Variants in MTUS2 observed in about 807,000 individuals in gnomAD.
MTUS2 encodes microtubule-associated tumor suppressor candidate 2.
In MTUS2, 40 loss-of-function variants were observed where a neutral mutation model predicts 114.1. That is an observed-to-expected ratio of 0.35 (90% confidence interval 0.27 to 0.46). The LOEUF (loss-of-function observed/expected upper bound fraction) is 0.46, where lower values mean the gene tolerates loss of function less well. Ranked by LOEUF, MTUS2 falls within the 20% of genes least tolerant of loss-of-function variation. The probability of loss-of-function intolerance (pLI) is 1.00; values close to 1 mark genes in which losing one functional copy is unlikely to be tolerated. For synonymous variants in MTUS2, 688 were observed against 672.0 expected, an observed-to-expected ratio of 1.02 and a Z score of -0.37; for missense variants, 1,679 against 1,705.4, an observed-to-expected ratio of 0.98 and a Z score of 0.27.
intron 4 of MTUS2, among the ~76,000 whole-genome samples, chr13:29,050,595 C>T (rs747673984): frequency 6.6e-6 from 1 of 152,178 alleles, no homozygotes; most frequent in Non-Finnish European, 1.5e-5. Flanking sequence ...GTCATCTTAC[C>T]CCCCTCTTCA....
At chr13:29,375,700 A>G (rs938868546) in intron 8 of MTUS2, among the ~76,000 whole-genome samples, 9 of 147,102 alleles carry the variant, frequency 6.1e-5, no homozygotes. Context: ...AGCAACTTGG[A>G]CAGAGCTGGA....
rs575760974 is a variant in MTUS2, at chr13:29,200,342, C to T, written c.2645-81362C>T. ...TGTGGGCATTTAGTGCTATAAATTTCGCTCTAAACACTGCTTTAGCTGTGT... is the reference window on the plus strand; with the variant it reads ...TGTGGGCATTTAGTGCTATAAATTTTGCTCTAAACACTGCTTTAGCTGTGT... On this transcript the variant is annotated intron_variant, in intron 5 of 15. Transcript: ENST00000612955. Among the ~76,000 whole-genome samples, 46 of 151,986 alleles carry T rather than the reference C, an allele frequency of 3.0e-4. 1 individual carries two copies. The highest frequency in any genetic ancestry group is 1.6e-4 in the Non-Finnish European group (11 of 67,956).
intron 5 of MTUS2, among the ~76,000 whole-genome samples, chr13:29,181,106 G>A (rs934701014): frequency 1.3e-5 from 2 of 152,064 alleles, no homozygotes; most frequent in African/African-American, 4.8e-5. Flanking sequence ...CTTGGCGAAT[G>A]AGCGTCAGGG....
chr13:29,472,734 A>G (rs549833068), intron 9 of MTUS2, among the ~76,000 whole-genome samples: 1 of 152,362 alleles, frequency 6.6e-6, no homozygotes, highest in Non-Finnish European at 1.5e-5. Context: ...TATAATGGCA[A>G]ATCTTGGAAA....
chr13:29,313,500 A>T (rs982310774), intron 6 of MTUS2, among the ~76,000 whole-genome samples: 4 of 152,310 alleles, frequency 2.6e-5, no homozygotes, highest in Admixed American at 6.5e-5. Flanking sequence ...GAAGAGAAAC[A>T]TTCATCTATA....
intron 9 of MTUS2, among the ~76,000 whole-genome samples, chr13:29,453,232 G>T (rs925905251): frequency 2.2e-4 from 33 of 152,204 alleles, no homozygotes; most frequent in African/African-American, 8.0e-4. Context: ...AAGAGCATTT[G>T]CAAAATATAT....
intron 2 of MTUS2, among the ~76,000 whole-genome samples, chr13:28,988,802 G>A (rs889828673): frequency 1.2e-4 from 18 of 152,152 alleles, no homozygotes; most frequent in Admixed American, 1.2e-3. Context: ...GATTATTTAT[G>A]TATACTAAAA....
rs755400572 is a variant in MTUS2, at chr13:29,026,080, G to A, written c.1382G>A (p.Ser461Asn). 3 of 1,614,020 alleles carry A rather than the reference G, an allele frequency of 1.9e-6. No homozygotes were observed. Among genetic ancestry groups the A allele is most frequent in the Non-Finnish European group, 2.5e-6 (3 of 1,179,892 alleles). ...ATTGAGGAGGAAAGGCGGTTGGGCA[G>A]TGGGAATAAGGACAGTGTTATGGTT... ...DVIEEERRLG[S>N]GNKDSVMVLV... The change falls in exon 3 of 16, where the codon AGT (serine) becomes AAT (asparagine). Residue 461 changes from serine (S) to asparagine (N), a missense_variant. By Grantham distance (46) the Ser-to-Asn change is conservative. Around this residue, in one of 3 missense-constraint regions of MTUS2, gnomAD observed 843 missense variants for 770.8 expected, o/e 1.09. Transcript: ENST00000612955.
Position 29,023,675 on chromosome 13 carries a change from A to G in MTUS2, c.-242-782A>G, listed in dbSNP as rs561220755. ...CATATTTAAATCTCTAATTGTCCTA[A>G]TAATATCCTTTGCTAACATGTTTTG... is the stretch of plus-strand genomic sequence containing the variant. On this transcript the variant is annotated intron_variant, in intron 2 of 15. Transcript: ENST00000612955. Among the ~76,000 whole-genome samples the G allele has an allele frequency of 6.4e-4, 97 of 152,336 alleles. 2 individuals carry two copies. The South Asian group carries it at 0.02, about 31-fold the overall frequency.
At chr13:28,903,418 C>T (rs1258450779) in intron 2 of MTUS2, among the ~76,000 whole-genome samples, 1 of 113,254 alleles carries the variant, frequency 8.8e-6, no homozygotes, top group African/African-American at 3.4e-5. Context: ...CCCCCCTCCC[C>T]CCACCCCACA....
intron 7 of MTUS2, among the ~76,000 whole-genome samples, chr13:29,345,781 C>A (rs1310183782): frequency 6.6e-6 from 1 of 152,004 alleles, no homozygotes; most frequent in Non-Finnish European, 1.5e-5. Flanking sequence ...ATTTGGGTAG[C>A]CTATGTCAGA....
chr13:29,168,671 A>G (rs1732224237), intron 5 of MTUS2, among the ~76,000 whole-genome samples: 1 of 152,206 alleles, frequency 6.6e-6, no homozygotes, highest in Non-Finnish European at 1.5e-5. Context: ...TTCAAATGTG[A>G]CACTACTGAC....
At chr13:29,349,910 A>T (rs553648978) in intron 7 of MTUS2, among the ~76,000 whole-genome samples, 1 of 152,258 alleles carries the variant, frequency 6.6e-6, no homozygotes, top group Non-Finnish European at 1.5e-5. Flanking sequence ...TACAGTTTTC[A>T]TCAAATAATA....
intron 4 of MTUS2, among the ~76,000 whole-genome samples, chr13:29,087,574 G>C (rs375897655): frequency 6.6e-6 from 1 of 151,978 alleles, no homozygotes; most frequent in African/African-American, 2.4e-5. Flanking sequence ...TTTTTCATGT[G>C]TCTCTGTCAG....
At chr13:29,174,704 C>A (rs941091056) in intron 5 of MTUS2, among the ~76,000 whole-genome samples, 1 of 152,142 alleles carries the variant, frequency 6.6e-6, no homozygotes, top group Admixed American at 6.6e-5. Flanking sequence ...ATAGTCCATA[C>A]CATGTGGACA....
chr13:28,950,699 A>T (rs900739885), intron 2 of MTUS2, among the ~76,000 whole-genome samples: 1 of 152,218 alleles, frequency 6.6e-6, no homozygotes, highest in African/African-American at 2.4e-5. Context: ...GCCATCTTAT[A>T]TGGGCATGGT....
intron 5 of MTUS2, among the ~76,000 whole-genome samples, chr13:29,197,019 G>C (rs986850423): frequency 6.6e-6 from 1 of 152,024 alleles, no homozygotes; most frequent in Non-Finnish European, 1.5e-5. Flanking sequence ...TTAATTTTTT[G>C]AGCAATCACC....
At chr13:29,375,183 A>G (rs1041873094) in intron 8 of MTUS2, among the ~76,000 whole-genome samples, 11 of 152,080 alleles carry the variant, frequency 7.2e-5, no homozygotes, top group African/African-American at 2.4e-4. Flanking sequence ...AAGTCAGTGA[A>G]CTTGAAGATA....
At chr13:29,362,241 T>G (rs556020831) in intron 8 of MTUS2, among the ~76,000 whole-genome samples, 1 of 152,292 alleles carries the variant, frequency 6.6e-6, no homozygotes, top group East Asian at 1.9e-4. Flanking sequence ...TGCCTCAGCC[T>G]CCTAAAGCAC....
Sources: allele counts gnomAD v4.1 joint callset (sites outside exome capture counted in the v4.1 genomes callset), GRCh38; gene constraint gnomAD v4.1.1; regional missense constraint gnomAD v4.1.1; transcripts MANE v1.5; gene names NCBI Gene and HGNC (gene_info 2026-07-23, HGNC 2026-07-21).